PEX5: variants seen among roughly 807,000 people sequenced by gnomAD.
PEX5 encodes the protein peroxisomal biogenesis factor 5, also known as PTS1 receptor.
A neutral mutation model predicts 82.9 loss-of-function variants in PEX5; 52 were observed. The ratio of observed to expected loss-of-function variants is 0.63; its 90% CI spans 0.50 to 0.79. PEX5 has a LOEUF of 0.79. Among genes scored for constraint, PEX5 ranks in the 30% least tolerant of loss-of-function variants. The pLI, the probability that PEX5 is intolerant of heterozygous loss-of-function variation, is 0.00. For synonymous variants in PEX5, 300 were observed against 318.8 expected (o/e 0.94, Z 0.63); for missense variants, 719 against 815.2 (o/e 0.88, Z 1.44).
downstream of PEX5, among the ~76,000 whole-genome samples, chr12:7,214,106 C>T (rs944358325): frequency 2.0e-4 from 30 of 152,240 alleles, no homozygotes; most frequent in African/African-American, 7.2e-4. Context: ...GAAATAGGAA[C>T]ACTTTTACAC....
chr12:7,207,902 T>C, intron 11 of PEX5, 100 bp downstream of exon 11: 2 of 1,529,858 alleles, frequency 1.3e-6, no homozygotes, highest in Admixed American at 3.3e-5. Context: ...GCCTGGGTGA[T>C]GGCCTAGGAT....
Position 7,191,248 on chromosome 12 carries a change from A to C in PEX5, c.206A>C (p.Asp69Ala), listed in dbSNP as rs2135896856. The change falls in exon 4 of 16, where the codon GAC becomes GCC. Residue 69 changes from aspartate (D) to alanine (A), a missense_variant. Coordinates refer to ENST00000675855, the MANE Select transcript of PEX5 (RefSeq NM_001351132.2). ...EDELVAEFLQ[D>A]QNAPLVSRAP... ...CAGTTGGTGGCTGAATTCCTGCAGG[A>C]CCAGAATGCACCCCTTGTGTCCCGT... is the stretch of plus-strand genomic sequence containing the variant. 2 of 1,614,078 alleles carry C rather than the reference A, an allele frequency of 1.2e-6. No individual in the cohort carries two copies. Among genetic ancestry groups the C allele is most frequent in the Non-Finnish European group, 1.7e-6 (2 of 1,180,008 alleles).
chr12:7,198,883 G>A, intron 5 of PEX5, 128 bp from the exon 6 acceptor site: 1 of 634,490 alleles, frequency 1.6e-6, no homozygotes, highest in South Asian at 1.5e-5. Flanking sequence ...GTTTCTGAGG[G>A]AGTCAGCAGA....
At chr12:7,196,374 A>G (rs1942238345) in intron 5 of PEX5, among the ~76,000 whole-genome samples, 1 of 138,714 alleles carries the variant, frequency 7.2e-6, no homozygotes, top group South Asian at 2.3e-4. Flanking sequence ...GACATATATA[A>G]TGTAATAATT....
chr12:7,191,241 C>T lies in PEX5; in HGVS notation c.199C>T (p.Leu67=). 1.2e-6 allele frequency: 2 copies of T among 1,614,152 alleles called. No homozygotes were observed. Among genetic ancestry groups the T allele is most frequent in the Middle Eastern group, 3.3e-4 (2 of 6,062 alleles). ...CTTCTGGCAGTTGGTGGCTGAATTC[C>T]TGCAGGACCAGAATGCACCCCTTGT... The part of the protein sequence containing the change: ...ASEDELVAEF[L]QDQNAPLVSR... The change falls in exon 4 of 16, where the codon CTG becomes TTG. Residue 67 remains leucine (L), a synonymous_variant. Coordinates refer to ENST00000675855, the MANE Select transcript of PEX5 (RefSeq NM_001351132.2).
chr12:7,195,387 T>A (rs1941898900), intron 5 of PEX5, among the ~76,000 whole-genome samples: 1 of 152,148 alleles, frequency 6.6e-6, no homozygotes, highest in Non-Finnish European at 1.5e-5. Context: ...GTGAAGGCAG[T>A]GTGTTACTCT....
intron 5 of PEX5, among the ~76,000 whole-genome samples, chr12:7,196,452 A>G (rs1374824534): frequency 7.4e-6 from 1 of 135,960 alleles, no homozygotes; most frequent in Non-Finnish European, 1.5e-5. Context: ...TGTAATAATT[A>G]TGTGTCATAT....
intron 5 of PEX5, among the ~76,000 whole-genome samples, chr12:7,198,246 G>A (rs1943114131): frequency 6.6e-6 from 1 of 152,146 alleles, no homozygotes; most frequent in Admixed American, 6.5e-5. Flanking sequence ...AGTGAGAAAA[G>A]TCAGAATAGT....
chr12:7,203,361 A>G, intron 9 of PEX5, 71 bp from the exon 10 acceptor site: 2 of 1,531,854 alleles, frequency 1.3e-6, no homozygotes, highest in Non-Finnish European at 1.8e-6. Context: ...AGAGAATCCC[A>G]GCAGAGCTGA....
At chr12:7,203,881 C>T (rs1944448431) in intron 10 of PEX5, among the ~76,000 whole-genome samples, 1 of 152,208 alleles carries the variant, frequency 6.6e-6, no homozygotes, top group Non-Finnish European at 1.5e-5. Flanking sequence ...GAGAAGACTG[C>T]TGACTCCTTT....
intron 10 of PEX5, 136 bp downstream of exon 10, chr12:7,203,687 C>T (rs1365326771): frequency 5.0e-6 from 4 of 797,334 alleles, no homozygotes; most frequent in Non-Finnish European, 8.3e-6. Context: ...TGAATAATTC[C>T]CTTGCCCTTC....
rs1203039519 is a variant in PEX5 at position 7,197,388 on chromosome 12, ATAAT to A, written c.449-1620_449-1617del. Among the ~76,000 whole-genome samples, 536 of 126,586 alleles carry A rather than the reference ATAAT, an allele frequency of 4.2e-3. 19 individuals carry two copies. The highest frequency in any genetic ancestry group is 0.014 in the Middle Eastern group (2 of 142). 83.0% of individuals were successfully genotyped at this position (126,586 alleles called of 152,430 possible). ...AATTATATATGTCATATACAATGTA[ATAAT>A]TATATATATGTCATATACAATGTAA... is the stretch of plus-strand genomic sequence containing the variant. On this transcript the variant is annotated intron_variant, in intron 5 of 15. Transcript: ENST00000675855.
intron 4 of PEX5, 86 bp downstream of exon 4, chr12:7,191,444 TG>T: frequency 6.2e-7 from 1 of 1,603,408 alleles, no homozygotes; most frequent in South Asian, 1.1e-5. Flanking sequence ...CTGCTGGCAT[TG>T]GGGACCTGAG....
chr12:7,190,349 C>G lies in PEX5; in HGVS notation c.-16-13C>G, dbSNP rs1940777083. The G allele has an allele frequency of 6.2e-7, 1 of 1,613,730 alleles. No homozygotes were observed. Among genetic ancestry groups the G allele is most frequent in the South Asian group, 1.1e-5 (1 of 91,078 alleles). ...CTTGGGTACCTCAGTTCCAAACCTC[C>G]TGTGTCCATCAGAGAGCTGGCGGTC... On this transcript the variant is annotated splice_polypyrimidine_tract_variant and intron_variant, in intron 1 of 15. Coordinates refer to ENST00000675855, the MANE Select transcript of PEX5 (RefSeq NM_001351132.2).
chr12:7,215,395 T>C (rs1384615480), downstream of PEX5, among the ~76,000 whole-genome samples: 1 of 152,178 alleles, frequency 6.6e-6, no homozygotes, highest in Admixed American at 6.5e-5. Context: ...TTACAGAGTA[T>C]ATACCCAAAG....
downstream of PEX5, among the ~76,000 whole-genome samples, chr12:7,215,954 TATTA>T (rs147709509): frequency 0.15 from 22,296 of 151,884 alleles, 2,042 homozygotes; most frequent in Non-Finnish European, 0.2. Flanking sequence ...AATTTAAATA[TATTA>T]ATTAAATTAA....
chr12:7,201,324 TAC>T (rs765111582), intron 6 of PEX5, among the ~76,000 whole-genome samples: 747 of 28,426 alleles, frequency 0.026, 5 homozygotes, highest in Non-Finnish European at 0.051. Context: ...TGTATATACA[TAC>T]ACACATACAC....
At chr12:7,208,298 C>T (rs1239373850) in intron 12 of PEX5, among the ~76,000 whole-genome samples, 159 bp from the exon 13 acceptor site, 1 of 152,158 alleles carries the variant, frequency 6.6e-6, no homozygotes, top group Non-Finnish European at 1.5e-5. Flanking sequence ...TAAAACCTTC[C>T]CCTTAGATCT....
At chr12:7,202,917 G>A (rs898187909) in intron 9 of PEX5, among the ~76,000 whole-genome samples, 1 of 152,118 alleles carries the variant, frequency 6.6e-6, no homozygotes, top group African/African-American at 2.4e-5. Flanking sequence ...AGCACTTTGG[G>A]AGCCCGAGGT....
Sources: gnomAD v4.1 joint callset for allele counts (sites outside exome capture counted in the v4.1 genomes callset) on GRCh38, gnomAD v4.1.1 for gene constraint, MANE v1.5 for transcripts, NCBI Gene and HGNC (gene_info 2026-07-23, HGNC 2026-07-21) for gene names.